ZNF74: variants seen among roughly 807,000 people sequenced by gnomAD.
The protein encoded by ZNF74 is zinc finger protein 520.
ZNF74 carries 12 observed loss-of-function variants against 17.7 expected under a neutral mutation model. The observed-to-expected ratio is 0.68, with a 90% CI of 0.43 to 1.10. ZNF74 has a LOEUF of 1.10. ZNF74 is among the 50% of genes least tolerant of loss of function. ZNF74 has a pLI of 0.00. For synonymous variants in ZNF74, 358 were observed against 362.1 expected (o/e 0.99, Z 0.13); for missense variants, 811 against 881.0 (o/e 0.92, Z 1.01).
In ZNF74 at chr22:20,406,481, C is replaced by T. The variant is rs761309782; in HGVS notation, c.1448C>T (p.Ser483Phe). Residue 483 changes from serine to phenylalanine, a missense_variant, in exon 5 of 5, where the codon TCC becomes TTC. By Grantham distance (155) the Ser-to-Phe change is radical (BLOSUM62 -2). Coordinates refer to ENST00000400451, the MANE Select transcript of ZNF74 (RefSeq NM_003426.4). ...KCNECGKAFS[S>F]HAYLIVHRRI... ...AACGAGTGCGGCAAAGCCTTCAGCT[C>T]CCACGCCTACCTCATCGTGCACCGG... The T allele has an allele frequency of 1.2e-6, 2 of 1,609,086 alleles. No individual in the cohort carries two copies. Among genetic ancestry groups the T allele is most frequent in the South Asian group, 2.2e-5 (2 of 90,868 alleles).
In ZNF74 at chr22:20,407,093, C is replaced by G; in HGVS notation, c.*125C>G. The G allele has an allele frequency of 7.0e-7, 1 of 1,426,602 alleles. No individual in the cohort carries two copies. The highest frequency in any genetic ancestry group is 1.5e-5 in the South Asian group (1 of 67,142). The allele number at this position is 1,426,602 out of a possible 1,614,324, so 88.4% of individuals were successfully genotyped here. ...GTGTGGGAGCCTTGCCTTATCACCC[C>G]CATCAGGTCTGCATGCCAGGGTGCC... On this transcript the variant is annotated 3_prime_UTR_variant, in exon 5 of 5. Coordinates refer to ENST00000400451, the MANE Select transcript of ZNF74 (RefSeq NM_003426.4).
chr22:20,395,479 C>G, intron 2 of ZNF74, 61 bp downstream of exon 2: 1 of 1,368,516 alleles, frequency 7.3e-7, no homozygotes, highest in Non-Finnish European at 1.0e-6. Context: ...CTCCCCAGCC[C>G]TGGATCGTCA....
At chr22:20,396,739 C>G (rs2146089759) in intron 2 of ZNF74, among the ~76,000 whole-genome samples, 1 of 152,324 alleles carries the variant, frequency 6.6e-6, no homozygotes, top group East Asian at 1.9e-4. Context: ...TTTCTCTTGA[C>G]AGTCTCATTC....
chr22:20,397,782 A>G (rs1485130224), intron 2 of ZNF74, among the ~76,000 whole-genome samples: 1 of 152,210 alleles, frequency 6.6e-6, no homozygotes, highest in Admixed American at 6.5e-5. Flanking sequence ...GGAGGGCTTA[A>G]ATGACAGAAA....
chr22:20,404,861 A>G (rs1002955650), intron 4 of ZNF74, among the ~76,000 whole-genome samples: 5 of 152,122 alleles, frequency 3.3e-5, no homozygotes, highest in African/African-American at 2.4e-5. Flanking sequence ...AATGGCGTGA[A>G]CCTGGGAGGC....
At position 20,407,550 on chromosome 22, in the gene ZNF74, C is replaced by G. The variant is rs1322186013; in HGVS notation, c.*582C>G. On this transcript the variant is annotated 3_prime_UTR_variant, in exon 5 of 5. Transcript: ENST00000400451. ...TGCAGCCTGGGTGACAAAGCAAGACCCTGTGTGAAATTAAAAGGAGGTATA... is the reference window on the plus strand; with the variant it reads ...TGCAGCCTGGGTGACAAAGCAAGACGCTGTGTGAAATTAAAAGGAGGTATA... The G allele has an allele frequency of 6.6e-6, 1 of 152,606 alleles. No homozygotes were observed. The highest frequency in any genetic ancestry group is 6.5e-5 in the Admixed American group (1 of 15,306). The allele number at this position is 152,606 out of a possible 1,614,324, so 9.5% of individuals were successfully genotyped here.
intron 3 of ZNF74, 164 bp downstream of exon 3, chr22:20,400,922 G>T (rs182401403): frequency 2.5e-6 from 2 of 807,578 alleles, no homozygotes; most frequent in South Asian, 3.4e-5. Context: ...CCTCGGCCAC[G>T]CCAGAAGTCC....
chr22:20,397,894 T>C (rs2052313100), intron 2 of ZNF74, among the ~76,000 whole-genome samples: 1 of 152,170 alleles, frequency 6.6e-6, no homozygotes, highest in Non-Finnish European at 1.5e-5. Flanking sequence ...GGCCACCTTT[T>C]CCCCGCATCT....
At chr22:20,399,078 A>C (rs2052329062) in intron 2 of ZNF74, among the ~76,000 whole-genome samples, 1 of 152,194 alleles carries the variant, frequency 6.6e-6, no homozygotes, top group African/African-American at 2.4e-5. Context: ...GATTTATTTT[A>C]TTTCCCAGAG....
rs1277161186 is a variant in ZNF74 at position 20,406,319 on chromosome 22, C to T, written c.1286C>T (p.Ser429Leu). 2 of 1,612,300 alleles carry T rather than the reference C, an allele frequency of 1.2e-6. No homozygotes were observed. Among genetic ancestry groups the T allele is most frequent in the Non-Finnish European group, 1.7e-6 (2 of 1,179,902 alleles). The change falls in exon 5 of 5, where the codon TCG (serine) becomes TTG (leucine). Residue 429 changes from serine (S) to leucine (L), a missense_variant. Physicochemically the swap from Ser to Leu is moderately radical, Grantham distance 145. Coordinates refer to ENST00000400451, the MANE Select transcript of ZNF74 (RefSeq NM_003426.4). ...SDCEKAFNSR[S>L]RLTLHQRTHT... ...TGCGAGAAGGCCTTCAACAGCCGCT[C>T]GCGCCTCACCCTCCACCAGAGGACG...
Position 20,396,170 on chromosome 22 carries a change from T to G in ZNF74, c.120+752T>G, listed in dbSNP as rs191591924. Among the ~76,000 whole-genome samples, 497 of 151,576 alleles carry G rather than the reference T, an allele frequency of 3.3e-3. 13 individuals are homozygous for G. Among genetic ancestry groups the G allele is most frequent in the Admixed American group, 0.031 (469 of 15,236 alleles). Reference sequence around the variant, plus strand: ...GAATAAGGGGTCTTTGGGTTTTTGTTTTTTTTTTAGCATTTTGTGATTTTG... The same window carrying G: ...GAATAAGGGGTCTTTGGGTTTTTGTGTTTTTTTTAGCATTTTGTGATTTTG... On this transcript the variant is annotated intron_variant, in intron 2 of 4. Transcript: ENST00000400451.
chr22:20,404,436 TC>T (rs1169687821), intron 4 of ZNF74, among the ~76,000 whole-genome samples: 1 of 152,122 alleles, frequency 6.6e-6, no homozygotes, highest in Non-Finnish European at 1.5e-5. Context: ...CAGGTGATCC[TC>T]CCACCTCAGC....
chr22:20,395,586 G>A (rs1459010097), intron 2 of ZNF74, among the ~76,000 whole-genome samples, 168 bp downstream of exon 2: 1 of 152,158 alleles, frequency 6.6e-6, no homozygotes, highest in African/African-American at 2.4e-5. Flanking sequence ...GATGTTGCCC[G>A]AGGTGTGCCC....
chr22:20,405,690 A>G lies in ZNF74; in HGVS notation c.657A>G (p.Ala219=), dbSNP rs2052409259. 8 of 1,608,196 alleles carry G rather than the reference A, an allele frequency of 5.0e-6. No homozygotes were observed. The highest frequency in any genetic ancestry group is 6.8e-6 in the Non-Finnish European group (8 of 1,177,474). Residue 219 remains alanine (A), a synonymous_variant, in exon 5 of 5, where the codon GCA becomes GCG. Coordinates refer to ENST00000400451, the MANE Select transcript of ZNF74 (RefSeq NM_003426.4). ...CCAAGGCCCCCGCGAGACTGTGTGC[A>G]GGGGAAAACGCCTCCACGCCAAGTG... The part of the protein sequence containing the change: ...GRTKAPARLC[A]GENASTPSEP...
chr22:20,400,934 C>T, intron 3 of ZNF74, 176 bp downstream of exon 3: 1 of 726,190 alleles, frequency 1.4e-6, no homozygotes, highest in Non-Finnish European at 2.3e-6. Flanking sequence ...CAGAAGTCCC[C>T]AAGGGACAGC....
intron 4 of ZNF74, among the ~76,000 whole-genome samples, chr22:20,404,774 C>T (rs1190810140): frequency 1.3e-5 from 2 of 152,100 alleles, no homozygotes. Context: ...TGTGGGGAGC[C>T]CTTTTTTCCT....
chr22:20,402,873 T>C (rs2052374817), intron 4 of ZNF74, among the ~76,000 whole-genome samples: 1 of 149,174 alleles, frequency 6.7e-6, no homozygotes. Context: ...TCTGGAGGCT[T>C]AGGCAGGAGA....
chr22:20,405,749 G>A lies in ZNF74; in HGVS notation c.716G>A (p.Arg239His), dbSNP rs1321936503. 2 of 1,604,922 alleles carry A rather than the reference G, an allele frequency of 1.2e-6. No individual in the cohort carries two copies. Among genetic ancestry groups the A allele is most frequent in the Non-Finnish European group, 1.7e-6 (2 of 1,176,328 alleles). ...AAGTTCCCCCAGGTGCGCCGGCAGC[G>A]CGGGGCGGGCGCCGGGGAGGGCGAG... ...PEKFPQVRRQ[R>H]GAGAGEGEFV... Residue 239 changes from arginine to histidine, a missense_variant, in exon 5 of 5, where the codon CGC (arginine) becomes CAC (histidine). Physicochemically the swap from Arg to His is conservative, Grantham distance 29. This residue lies in a region of ZNF74 where 666 missense variants were observed against 702.3 expected (regional missense o/e 0.95). Transcript: ENST00000400451.
intron 2 of ZNF74, chr22:20,400,313 C>A: frequency 3.4e-6 from 1 of 290,774 alleles, no homozygotes; most frequent in Non-Finnish European, 6.5e-6. Context: ...TAGCATCTCA[C>A]CCAGGACTTA....
Sources: allele counts gnomAD v4.1 joint callset (sites outside exome capture counted in the v4.1 genomes callset), GRCh38; gene constraint gnomAD v4.1.1; regional missense constraint gnomAD v4.1.1; transcripts MANE v1.5; gene names NCBI Gene and HGNC (gene_info 2026-07-23, HGNC 2026-07-21).